KCNK5: variants seen among roughly 807,000 people sequenced by gnomAD.
The protein encoded by KCNK5 is potassium channel subfamily K member 5.
A neutral mutation model predicts 32.9 loss-of-function variants in KCNK5; 18 were observed. The ratio of observed to expected loss-of-function variants is 0.55; its 90% CI spans 0.38 to 0.81. The LOEUF is 0.81. Ranked by LOEUF, KCNK5 falls within the 30% of genes least tolerant of loss-of-function variation. The pLI is 0.00. For synonymous variants in KCNK5, 276 were observed against 275.3 expected, an observed-to-expected ratio of 1.00 and a Z score of -0.03; for missense variants, 507 against 651.0, an observed-to-expected ratio of 0.78 and a Z score of 2.41.
At position 39,191,060 on chromosome 6, in the gene KCNK5, C is replaced by T. The variant is rs151090443; in HGVS notation, c.1330G>A (p.Ala444Thr). The change falls in exon 5 of 5, where the codon GCA becomes ACA. Residue 444 changes from alanine to threonine, a missense_variant. Physicochemically the swap from Ala to Thr is moderately conservative, Grantham distance 58 (BLOSUM62 0). Transcript: ENST00000359534. The surrounding 1 kb of genome is among the most constrained non-coding windows in gnomAD (Gnocchi z 5.8). ...TSKSSLEDNL[A>T]GEESPQQGAE... is the part of the protein sequence containing the mutation. ...CCCTGCTGGGGGCTCTCCTCCCCTG[C>T]CAAGTTGTCCTCTAGCGAGGACTTG... The T allele has an allele frequency of 6.2e-7, 1 of 1,613,034 alleles. No individual in the cohort carries two copies. The highest frequency in any genetic ancestry group is 8.5e-7 in the Non-Finnish European group (1 of 1,179,560).
chr6:39,223,839 G>A (rs749912931), intron 1 of KCNK5, among the ~76,000 whole-genome samples: 3 of 152,094 alleles, frequency 2.0e-5, no homozygotes, highest in Non-Finnish European at 2.9e-5. Flanking sequence ...TCTTCTAAAC[G>A]CCAGACTATA....
Position 39,218,696 on chromosome 6 carries a change from G to A in KCNK5, c.186+10230C>T, listed in dbSNP as rs145205315. ...TGCAAGCCTCTTAGAGGACTGGGTG[G>A]TGTACCTGGTGCTGCTGGCAACACC... On this transcript the variant is annotated intron_variant, in intron 1 of 4. Transcript: ENST00000359534. Among the ~76,000 whole-genome samples, 885 of 152,290 alleles carry A rather than the reference G, an allele frequency of 5.8e-3. 3 individuals carry two copies. The highest frequency in any genetic ancestry group is 8.5e-3 in the Non-Finnish European group (577 of 68,022).
At position 39,213,124 on chromosome 6, in the gene KCNK5, A is replaced by G. The variant is rs989356002; in HGVS notation, c.186+15802T>C. Among the ~76,000 whole-genome samples the G allele has an allele frequency of 3.9e-5, 6 of 152,244 alleles. No individual in the cohort carries two copies. In the East Asian group the frequency reaches 1.2e-3, roughly 29 times the overall value. On this transcript the variant is annotated intron_variant, in intron 1 of 4. Transcript: ENST00000359534. ...AAGGGTCAACTATACACTGTTAGTG[A>G]TTACAAAAGTGATACTGGTTTTCAG...
At position 39,197,536 on chromosome 6, in the gene KCNK5, G is replaced by C. The variant is rs1256065001; in HGVS notation, c.187-1549C>G. 3.3e-5 allele frequency among the ~76,000 whole-genome samples: 5 copies of C among 152,322 alleles called. No individual in the cohort carries two copies. The East Asian group carries it at 9.6e-4, about 29-fold the overall frequency. On this transcript the variant is annotated intron_variant, in intron 1 of 4. Coordinates refer to ENST00000359534, the MANE Select transcript of KCNK5 (RefSeq NM_003740.4). Reference sequence around the variant, plus strand: ...CTGCCCTCAGAGAGCTCTCTGTCTAGCTGGCCAGACCATTTCAATGTGAAA... The same window carrying C: ...CTGCCCTCAGAGAGCTCTCTGTCTACCTGGCCAGACCATTTCAATGTGAAA...
chr6:39,212,629 C>A (rs988788802), intron 1 of KCNK5, among the ~76,000 whole-genome samples: 2 of 152,240 alleles, frequency 1.3e-5, no homozygotes, highest in African/African-American at 2.4e-5. Context: ...GGGTCCAAGG[C>A]TGCACTTGTC....
chr6:39,199,728 C>T (rs1771099595), intron 1 of KCNK5, among the ~76,000 whole-genome samples: 1 of 152,224 alleles, frequency 6.6e-6, no homozygotes, highest in Non-Finnish European at 1.5e-5. Context: ...GTTGCCTCCT[C>T]TGCTGTGGTT....
At position 39,229,052 on chromosome 6, in the gene KCNK5, C is replaced by T. The variant is rs930887048; in HGVS notation, c.60G>A (p.Ala20=). The T allele has an allele frequency of 2.1e-5, 34 of 1,614,084 alleles. No homozygotes were observed. Among genetic ancestry groups the T allele is most frequent in the Non-Finnish European group, 2.8e-5 (33 of 1,180,036 alleles). ...GCTCCTCCAGCACTTCGAAGATCGC[C>T]GCCCCGATGGCCAGGTAGAAGATGA... is the stretch of plus-strand genomic sequence containing the variant. The part of the protein sequence containing the change: ...SAIIFYLAIG[A]AIFEVLEEPH... Residue 20 remains alanine (A), a synonymous_variant, in exon 1 of 5, where the codon GCG becomes GCA. Transcript: ENST00000359534.
At chr6:39,216,281 T>A (rs896977552) in intron 1 of KCNK5, among the ~76,000 whole-genome samples, 2 of 152,008 alleles carry the variant, frequency 1.3e-5, no homozygotes, top group African/African-American at 4.8e-5. Flanking sequence ...TGAGACTCCA[T>A]CTCAAAACAA....
At chr6:39,208,482 C>A (rs899845096) in intron 1 of KCNK5, among the ~76,000 whole-genome samples, 1 of 152,220 alleles carries the variant, frequency 6.6e-6, no homozygotes, top group Non-Finnish European at 1.5e-5. Context: ...AACCACCTGT[C>A]CCGAAATCCT....
chr6:39,215,586 G>A (rs765692378), intron 1 of KCNK5, among the ~76,000 whole-genome samples: 16 of 152,178 alleles, frequency 1.1e-4, no homozygotes, highest in Admixed American at 4.6e-4. Flanking sequence ...AAAGGGCCCC[G>A]CCCTGAGGTC....
chr6:39,227,984 A>G (rs940116269), intron 1 of KCNK5, among the ~76,000 whole-genome samples: 2 of 152,124 alleles, frequency 1.3e-5, no homozygotes, highest in African/African-American at 4.8e-5. Context: ...CTGGGGGAGC[A>G]GGCCAAGAAG....
At chr6:39,218,057 T>C (rs1771471750) in intron 1 of KCNK5, among the ~76,000 whole-genome samples, 1 of 151,008 alleles carries the variant, frequency 6.6e-6, no homozygotes, top group Non-Finnish European at 1.5e-5. Flanking sequence ...AAGAGCTTTT[T>C]TGACTTACAG....
At chr6:39,212,662 C>T (rs982045799) in intron 1 of KCNK5, among the ~76,000 whole-genome samples, 5 of 152,202 alleles carry the variant, frequency 3.3e-5, no homozygotes, top group African/African-American at 1.2e-4. Context: ...CAGGACTCCC[C>T]TCCCAGACCA....
At chr6:39,195,727 A>G (rs574286255) in intron 2 of KCNK5, 149 bp downstream of exon 2, 23 of 560,086 alleles carry the variant, frequency 4.1e-5, no homozygotes, top group African/African-American at 4.0e-4. Context: ...CAAGGACTTA[A>G]CAAATCCCTA....
At chr6:39,199,267 C>T (rs1484411633) in intron 1 of KCNK5, among the ~76,000 whole-genome samples, 1 of 152,188 alleles carries the variant, frequency 6.6e-6, no homozygotes, top group Non-Finnish European at 1.5e-5. Context: ...GCTAAGGAGA[C>T]ATCAAACAAA....
At chr6:39,211,723 G>A (rs1227406961) in intron 1 of KCNK5, among the ~76,000 whole-genome samples, 1 of 152,196 alleles carries the variant, frequency 6.6e-6, no homozygotes, top group Non-Finnish European at 1.5e-5. Context: ...CAGCACTTTG[G>A]GAGGCCAACG....
chr6:39,225,963 G>A (rs1771664405), intron 1 of KCNK5, among the ~76,000 whole-genome samples: 2 of 152,204 alleles, frequency 1.3e-5, no homozygotes, highest in Middle Eastern at 3.2e-3. Flanking sequence ...AAATGCTAAG[G>A]TCAGGAGACC....
At chr6:39,220,949 C>T (rs924275973) in intron 1 of KCNK5, among the ~76,000 whole-genome samples, 1 of 152,208 alleles carries the variant, frequency 6.6e-6, no homozygotes, top group African/African-American at 2.4e-5. Flanking sequence ...ATCCTGAACT[C>T]TTAGCCCCAT....
intron 1 of KCNK5, among the ~76,000 whole-genome samples, chr6:39,202,814 A>C (rs1173388854): frequency 6.6e-6 from 1 of 152,134 alleles, no homozygotes; most frequent in Admixed American, 6.5e-5. Context: ...TTCCAAATGC[A>C]GACCTGTGCT....
Sources: gnomAD v4.1 joint callset for allele counts (sites outside exome capture counted in the v4.1 genomes callset) on GRCh38, gnomAD v4.1.1 for gene constraint, Gnocchi (gnomAD v3.1) non-coding constraint, MANE v1.5 for transcripts, NCBI Gene and HGNC (gene_info 2026-07-23, HGNC 2026-07-21) for gene names.